Variants in TNRC6C observed in about 807,000 individuals in gnomAD.
The protein encoded by TNRC6C is trinucleotide repeat containing adaptor 6C, also known as trinucleotide repeat-containing gene 6C protein.
A neutral mutation model predicts 153.7 loss-of-function variants in TNRC6C; 20 were observed. The ratio of observed to expected loss-of-function variants is 0.13; its 90% confidence interval spans 0.09 to 0.19. TNRC6C has a LOEUF of 0.19. Ranked by LOEUF, TNRC6C falls within the 10% of genes least tolerant of loss-of-function variation. TNRC6C has a pLI of 1.00. For missense variants in TNRC6C, 1,987 were observed against 2,172.0 expected, an observed-to-expected ratio of 0.91 and a Z score of 1.69; for synonymous variants, 811 against 841.4, an observed-to-expected ratio of 0.96 and a Z score of 0.63.
At chr17:78,047,007 A>G (rs2072424991) in intron 2 of TNRC6C, among the ~76,000 whole-genome samples, 1 of 151,770 alleles carries the variant, frequency 6.6e-6, no homozygotes, top group Non-Finnish European at 1.5e-5. Context: ...CACATATGGA[A>G]AAGAATGCAT....
At chr17:77,962,047 G>A (rs2144025680) in intron 1 of TNRC6C, among the ~76,000 whole-genome samples, 1 of 152,216 alleles carries the variant, frequency 6.6e-6, no homozygotes, top group East Asian at 1.9e-4. Flanking sequence ...GTGCTGGCTG[G>A]GAATGAGGTA....
At chr17:78,020,639 G>C (rs9899993) in intron 1 of TNRC6C, among the ~76,000 whole-genome samples, 14,554 of 152,176 alleles carry the variant, frequency 0.096, 1,881 homozygotes, top group African/African-American at 0.3. Context: ...TTTTAAATAG[G>C]CTAGTTGCAT....
chr17:77,965,549 C>G (rs1009915213), intron 1 of TNRC6C, among the ~76,000 whole-genome samples: 12 of 152,214 alleles, frequency 7.9e-5, no homozygotes, highest in African/African-American at 2.9e-4. Context: ...AAGCCTGAGC[C>G]TGATTACATC....
At chr17:77,959,927 A>G (rs548767889) in intron 1 of TNRC6C, among the ~76,000 whole-genome samples, 1 of 152,278 alleles carries the variant, frequency 6.6e-6, no homozygotes, top group African/African-American at 2.4e-5. Context: ...ATTCGTAGCT[A>G]TGAAAATGTG....
chr17:78,057,691 C>T (rs1456129522), intron 3 of TNRC6C, among the ~76,000 whole-genome samples: 1 of 152,190 alleles, frequency 6.6e-6, no homozygotes, highest in Admixed American at 6.5e-5. Flanking sequence ...AGGTTTTATT[C>T]AGCATAGGTT....
Position 78,075,764 on chromosome 17 carries a change from G to A in TNRC6C, c.3060+486G>A, listed in dbSNP as rs939623533. 1.3e-5 allele frequency among the ~76,000 whole-genome samples: 2 copies of A among 152,152 alleles called. No homozygotes were observed. Among genetic ancestry groups the A allele is most frequent in the Non-Finnish European group, 2.9e-5 (2 of 68,032 alleles). On this transcript the variant is annotated intron_variant, in intron 8 of 19. Transcript: ENST00000301624. The surrounding 1 kb of genome is among the most constrained non-coding windows in gnomAD (Gnocchi z 4.2). Reference sequence around the variant, plus strand: ...AACGCCCTGAATGTTTAGCCAGTCCGGTCACAGCTCAGCCCCCAGTGTTGT... The same window carrying A: ...AACGCCCTGAATGTTTAGCCAGTCCAGTCACAGCTCAGCCCCCAGTGTTGT...
upstream of TNRC6C, among the ~76,000 whole-genome samples, chr17:77,958,339 G>A (rs1218063647): frequency 1.3e-5 from 2 of 152,030 alleles, no homozygotes; most frequent in African/African-American, 4.8e-5. Context: ...CACCACGCAA[G>A]TCTCCACGTA....
rs538591062 is a variant in TNRC6C, at chr17:78,104,990, C to T, written c.*145C>T. On this transcript the variant is annotated 3_prime_UTR_variant, in exon 20 of 20. Transcript: ENST00000301624. The surrounding 1 kb of genome is among the most constrained non-coding windows in gnomAD (Gnocchi z 6.2). ...CTGAAGACGAACCTTGGCCGCAGTC[C>T]TTGCGAACTGTTCGCAAAACAGTGC... is the stretch of plus-strand genomic sequence containing the variant. The T allele has an allele frequency of 9.5e-5, 108 of 1,139,302 alleles. No homozygotes were observed. The highest frequency in any genetic ancestry group is 1.1e-4 in the Non-Finnish European group (96 of 882,082). The allele number at this position is 1,139,302 out of a possible 1,614,324, so 70.6% of individuals were successfully genotyped here. A position where few individuals can be genotyped will look rare whatever the true frequency, so the allele number is the denominator to read the frequency against.
At chr17:78,007,399 C>T (rs1483248989) in intron 1 of TNRC6C, among the ~76,000 whole-genome samples, 1 of 152,196 alleles carries the variant, frequency 6.6e-6, no homozygotes, top group Non-Finnish European at 1.5e-5. Flanking sequence ...TCAGACTCTT[C>T]ATTATTACTG....
intron 17 of TNRC6C, 65 bp downstream of exon 20, chr17:78,098,602 T>C (rs990987875): frequency 6.6e-7 from 1 of 1,519,830 alleles, no homozygotes; most frequent in Non-Finnish European, 8.8e-7. Flanking sequence ...CTTATCACTT[T>C]GTCCTGTACC....
intron 1 of TNRC6C, among the ~76,000 whole-genome samples, chr17:78,011,134 A>G (rs935608599): frequency 3.9e-5 from 6 of 152,280 alleles, no homozygotes; most frequent in African/African-American, 7.2e-5. Context: ...TCTGCTGTCT[A>G]AAAAATAATT....
At chr17:77,959,521 A>G (rs2070843081) in intron 1 of TNRC6C, among the ~76,000 whole-genome samples, 1 of 152,080 alleles carries the variant, frequency 6.6e-6, no homozygotes, top group Admixed American at 6.5e-5. Flanking sequence ...AGTGGAATGG[A>G]GGGCTGAAGA....
intron 1 of TNRC6C, among the ~76,000 whole-genome samples, chr17:78,007,401 T>C (rs2071540304): frequency 6.6e-6 from 1 of 152,260 alleles, no homozygotes; most frequent in Admixed American, 6.5e-5. Flanking sequence ...AGACTCTTCA[T>C]TATTACTGGT....
intron 1 of TNRC6C, among the ~76,000 whole-genome samples, chr17:78,025,125 A>G (rs566894253): frequency 6.6e-6 from 1 of 152,266 alleles, no homozygotes; most frequent in East Asian, 1.9e-4. Flanking sequence ...CACAGTTTAC[A>G]TTAGGGTTCA....
intron 1 of TNRC6C, among the ~76,000 whole-genome samples, chr17:78,007,717 T>C (rs1166696510): frequency 6.6e-6 from 1 of 152,224 alleles, no homozygotes; most frequent in Non-Finnish European, 1.5e-5. Context: ...GAGAGTTGGA[T>C]ACTCTTAAGA....
intron 4 of TNRC6C, among the ~76,000 whole-genome samples, chr17:78,065,794 A>C (rs1446890311): frequency 6.6e-6 from 1 of 152,204 alleles, no homozygotes; most frequent in Non-Finnish European, 1.5e-5. Context: ...CATTTTCTGA[A>C]AGTGTAGCAA....
chr17:78,027,948 T>C (rs534999225), intron 1 of TNRC6C, among the ~76,000 whole-genome samples: 2 of 143,554 alleles, frequency 1.4e-5, no homozygotes, highest in South Asian at 4.4e-4. Flanking sequence ...CAGGCTGGAG[T>C]GCAGTGGTGC....
intron 3 of TNRC6C, among the ~76,000 whole-genome samples, chr17:78,062,104 C>T (rs1033372557): frequency 6.6e-6 from 1 of 152,078 alleles, no homozygotes; most frequent in Non-Finnish European, 1.5e-5. Context: ...GCTATGTTAA[C>T]GTCTCTGATT....
chr17:78,015,687 G>A (rs1329806039), intron 1 of TNRC6C, among the ~76,000 whole-genome samples: 1 of 152,148 alleles, frequency 6.6e-6, no homozygotes. Flanking sequence ...CGAGGTGGGC[G>A]GATCACCTGA....
Sources: gnomAD v4.1 joint callset for allele counts (sites outside exome capture counted in the v4.1 genomes callset) on GRCh38, gnomAD v4.1.1 for gene constraint, Gnocchi (gnomAD v3.1) non-coding constraint, MANE v1.5 for transcripts, NCBI Gene and HGNC (gene_info 2026-07-23, HGNC 2026-07-21) for gene names.